The following C2CD5 variants were observed in gnomAD, a reference collection of about 807,000 sequenced individuals.
C2CD5 encodes C2 calcium dependent domain containing 5, also known as C2 domain-containing protein 5.
C2CD5 carries 109 observed loss-of-function variants against 130.3 expected under a neutral mutation model. The observed-to-expected ratio is 0.84, with a 90% CI of 0.72 to 0.98. The LOEUF is 0.98. Ranked by LOEUF, C2CD5 falls within the 50% of genes least tolerant of loss-of-function variation. C2CD5 has a pLI of 0.00. For missense variants in C2CD5, 996 were observed against 1,261.8 expected (o/e 0.79, Z 3.19); for synonymous variants, 454 against 429.2 (o/e 1.06, Z -0.71).
At chr12:22,521,639 T>C (rs961487604) in intron 7 of C2CD5, among the ~76,000 whole-genome samples, 3 of 152,240 alleles carry the variant, frequency 2.0e-5, no homozygotes, top group African/African-American at 7.2e-5. Context: ...CTGGCAATTC[T>C]TATCTTTCTA....
At chr12:22,530,111 TACACACACAC>T (rs199603129) in intron 3 of C2CD5, among the ~76,000 whole-genome samples, 1,189 of 87,398 alleles carry the variant, frequency 0.014, 5 homozygotes, top group South Asian at 0.024. Flanking sequence ...TATATATATA[TACACACACAC>T]ACACACACAC....
chr12:22,518,250 T>C, intron 7 of C2CD5, 113 bp from the exon 8 acceptor site: 1 of 977,752 alleles, frequency 1.0e-6, no homozygotes, highest in Non-Finnish European at 1.6e-6. Flanking sequence ...AGTCATTTCT[T>C]ACGTGTGGAG....
intron 19 of C2CD5, 70 bp from the exon 20 acceptor site, chr12:22,471,558 G>T: frequency 1.2e-6 from 1 of 845,208 alleles, no homozygotes; most frequent in Non-Finnish European, 1.8e-6. Context: ...TTTTTTTAAT[G>T]TACATTATAT....
intron 9 of C2CD5, among the ~76,000 whole-genome samples, chr12:22,507,195 A>C (rs1227297170): frequency 6.6e-6 from 1 of 152,088 alleles, no homozygotes; most frequent in Non-Finnish European, 1.5e-5. Flanking sequence ...TCAGTGGTTT[A>C]GACACCCCCT....
intron 8 of C2CD5, among the ~76,000 whole-genome samples, chr12:22,517,325 AATTCT>A (rs1157336766): frequency 1.3e-5 from 2 of 151,806 alleles, no homozygotes; most frequent in African/African-American, 2.4e-5. Flanking sequence ...TAAATAAGTT[AATTCT>A]ATTCTAAGGT....
At chr12:22,472,167 G>C in intron 18 of C2CD5, 102 bp from the exon 19 acceptor site, 1 of 838,696 alleles carries the variant, frequency 1.2e-6, no homozygotes, top group Non-Finnish European at 1.9e-6. Context: ...TAATGTAGTA[G>C]AATAAGGATG....
At chr12:22,520,855 G>A (rs917424330) in intron 7 of C2CD5, among the ~76,000 whole-genome samples, 1 of 152,136 alleles carries the variant, frequency 6.6e-6, no homozygotes, top group East Asian at 1.9e-4. Flanking sequence ...AACTTAGGAA[G>A]TAGAACACAC....
chr12:22,516,131 T>C (rs1460685147), intron 8 of C2CD5, among the ~76,000 whole-genome samples: 1 of 151,714 alleles, frequency 6.6e-6, no homozygotes, highest in Non-Finnish European at 1.5e-5. Context: ...TATAATCAGC[T>C]TATCTCTGTC....
chr12:22,523,355 C>CA, intron 7 of C2CD5, 71 bp downstream of exon 7: 2 of 1,258,604 alleles, frequency 1.6e-6, no homozygotes, highest in Non-Finnish European at 2.3e-6. Flanking sequence ...TAAAATGTTT[C>CA]AAATCAAATG....
intron 8 of C2CD5, chr12:22,514,932 T>G: frequency 5.2e-6 from 5 of 970,006 alleles, no homozygotes; most frequent in Non-Finnish European, 6.1e-6. Flanking sequence ...ATAAAGGGAT[T>G]AAAAAGCTGA....
At chr12:22,504,664 A>G (rs758388937) in intron 10 of C2CD5, among the ~76,000 whole-genome samples, 3 of 152,204 alleles carry the variant, frequency 2.0e-5, no homozygotes, top group Non-Finnish European at 4.4e-5. Context: ...TCCTGAAACC[A>G]TGTTTCGAAC....
intron 3 of C2CD5, among the ~76,000 whole-genome samples, chr12:22,533,474 T>C (rs757408437): frequency 6.6e-6 from 1 of 152,082 alleles, no homozygotes; most frequent in Non-Finnish European, 1.5e-5. Flanking sequence ...TCCTGGAGGA[T>C]TGGGGCATGC....
chr12:22,478,970 G>C (rs60418943), intron 14 of C2CD5, among the ~76,000 whole-genome samples: 1 of 152,128 alleles, frequency 6.6e-6, no homozygotes, highest in Non-Finnish European at 1.5e-5. Flanking sequence ...CTGGTAATAA[G>C]CGTTGGTTTC....
At chr12:22,484,673 C>CGAGTG (rs1423687171) in intron 13 of C2CD5, 24 bp downstream of exon 13, 6 of 1,394,340 alleles carry the variant, frequency 4.3e-6, no homozygotes, top group Non-Finnish European at 5.8e-6. Flanking sequence ...TCAGGGACAC[C>CGAGTG]GAGTGTTGTT....
At chr12:22,536,132 A>AT (rs1242598110) in intron 2 of C2CD5, among the ~76,000 whole-genome samples, 1 of 147,210 alleles carries the variant, frequency 6.8e-6, no homozygotes, top group African/African-American at 2.7e-5. Flanking sequence ...GATATATGGC[A>AT]TTCTTCAGCA....
intron 22 of C2CD5, among the ~76,000 whole-genome samples, chr12:22,463,133 T>A (rs569493012): frequency 6.6e-6 from 1 of 151,810 alleles, no homozygotes; most frequent in Admixed American, 6.6e-5. Flanking sequence ...ACACCTGTAA[T>A]CTCAGCACTT....
At chr12:22,459,427 T>G in intron 23 of C2CD5, 65 bp downstream of exon 23, 1 of 1,046,390 alleles carries the variant, frequency 9.6e-7, no homozygotes, top group Non-Finnish European at 1.4e-6. Flanking sequence ...TGTCTATAAT[T>G]TTATGCACCA....
At chr12:22,540,760 GAGGC>G (rs1952294441) in intron 2 of C2CD5, among the ~76,000 whole-genome samples, 3 of 152,184 alleles carry the variant, frequency 2.0e-5, no homozygotes, top group African/African-American at 7.2e-5. Context: ...TCTGGAGGCT[GAGGC>G]AGGACAATCG....
At position 22,449,423 on chromosome 12, in the gene C2CD5, A is replaced by T. The variant is rs950274357; in HGVS notation, c.*337T>A. The T allele has an allele frequency of 1.1e-5, 2 of 175,280 alleles. No individual in the cohort carries two copies. Among genetic ancestry groups the T allele is most frequent in the Non-Finnish European group, 2.4e-5 (2 of 82,038 alleles). The allele number at this position is 175,280 out of a possible 1,614,324, so 10.9% of individuals were successfully genotyped here. A position where few individuals can be genotyped will look rare whatever the true frequency, so the allele number is the denominator to read the frequency against. On this transcript the variant is annotated 3_prime_UTR_variant, in exon 27 of 27. Coordinates refer to ENST00000446597, the MANE Select transcript of C2CD5 (RefSeq NM_001286176.2). ...TTTTCTAAATTATACTAGAGTAGCT[A>T]TCCTAATTTCCTGACAATCTTCCCA...
Sources: allele counts gnomAD v4.1 joint callset (sites outside exome capture counted in the v4.1 genomes callset), GRCh38; gene constraint gnomAD v4.1.1; transcripts MANE v1.5; gene names NCBI Gene and HGNC (gene_info 2026-07-23, HGNC 2026-07-21).